RHOU: variants seen among roughly 807,000 people sequenced by gnomAD.
RHOU encodes the protein ras homolog family member U, also known as rho-related GTP-binding protein RhoU.
RHOU carries 8 observed loss-of-function variants against 12.6 expected under a neutral mutation model. That is an observed-to-expected ratio of 0.64 (90% CI 0.37 to 1.15). The LOEUF (loss-of-function observed/expected upper bound fraction) is 1.15, where lower values mean the gene tolerates loss of function less well. Among genes scored for constraint, RHOU ranks in the 50% most tolerant of loss-of-function variants. RHOU has a pLI of 0.01. For synonymous variants in RHOU, 161 were observed against 147.4 expected, an observed-to-expected ratio of 1.09 and a Z score of -0.67; for missense variants, 258 against 347.0, an observed-to-expected ratio of 0.74 and a Z score of 2.04.
At chr1:228,709,816 G>T in the RHOU span, among the ~76,000 whole-genome samples, 1 of 151,990 alleles carries the variant, frequency 6.6e-6, no homozygotes, top group East Asian at 1.9e-4. Flanking sequence ...GATCAGAGCA[G>T]AACTGAAGGA....
chr1:228,723,520 G>T, the RHOU span, among the ~76,000 whole-genome samples: 1 of 152,212 alleles, frequency 6.6e-6, no homozygotes, highest in Non-Finnish European at 1.5e-5. Flanking sequence ...TGGCCATGTT[G>T]CCAGGCACAT....
the RHOU span, among the ~76,000 whole-genome samples, chr1:228,649,742 T>C: frequency 6.6e-6 from 1 of 152,226 alleles, no homozygotes; most frequent in Non-Finnish European, 1.5e-5. Context: ...TTTTCAAATG[T>C]TTATAAAAGA....
rs1211015448 is a variant in RHOU, at chr1:228,745,518, A to G, written c.*1778A>G. On this transcript the variant is annotated 3_prime_UTR_variant, in exon 3 of 3. Coordinates refer to ENST00000366691, the MANE Select transcript of RHOU (RefSeq NM_021205.6). Reference sequence around the variant, plus strand: ...CTATTTATTCCTGTTAGTAAATAAAATTAACAAATTTCTTTGTTTAACAAA... The same window carrying G: ...CTATTTATTCCTGTTAGTAAATAAAGTTAACAAATTTCTTTGTTTAACAAA... The G allele has an allele frequency of 6.6e-6, 1 of 152,266 alleles. No homozygotes were observed. The highest frequency in any genetic ancestry group is 2.4e-5 in the African/African-American group (1 of 41,476). 9.4% of individuals were successfully genotyped at this position (152,266 alleles called of 1,614,324 possible). A position where few individuals can be genotyped will look rare whatever the true frequency, so the allele number is the denominator to read the frequency against.
the RHOU span, among the ~76,000 whole-genome samples, chr1:228,683,364 A>G: frequency 6.6e-6 from 1 of 152,232 alleles, no homozygotes. Flanking sequence ...TATGAAGTTT[A>G]TTTGGTGGTA....
chr1:228,731,793 G>C (rs1056585849), upstream of RHOU, among the ~76,000 whole-genome samples: 1 of 151,544 alleles, frequency 6.6e-6, no homozygotes, highest in Non-Finnish European at 1.5e-5. Context: ...TAGGTAGGGG[G>C]GATGAATGCT....
chr1:228,647,151 C>T, the RHOU span, among the ~76,000 whole-genome samples: 6 of 152,214 alleles, frequency 3.9e-5, no homozygotes, highest in Non-Finnish European at 8.8e-5. Context: ...TGAGCTGTGC[C>T]TGAGCAGGGC....
the RHOU span, among the ~76,000 whole-genome samples, chr1:228,714,898 C>G: frequency 6.6e-6 from 1 of 151,822 alleles, no homozygotes. Flanking sequence ...CACATGCCAC[C>G]ACACCTGGCT....
At chr1:228,742,842 C>T (rs1167591775) in intron 2 of RHOU, among the ~76,000 whole-genome samples, 1 of 152,148 alleles carries the variant, frequency 6.6e-6, no homozygotes, top group East Asian at 1.9e-4. Flanking sequence ...TGTTCGTAGA[C>T]TGGGTTTGAG....
At chr1:228,702,854 G>A in the RHOU span, among the ~76,000 whole-genome samples, 1 of 152,132 alleles carries the variant, frequency 6.6e-6, no homozygotes, top group African/African-American at 2.4e-5. Flanking sequence ...TCATTTGTCA[G>A]CTTTCAAATA....
the RHOU span, among the ~76,000 whole-genome samples, chr1:228,724,484 T>G: frequency 2.0e-5 from 3 of 152,190 alleles, no homozygotes; most frequent in Admixed American, 6.5e-5. Context: ...TTCTTTTTGG[T>G]AAGAATTTTT....
Position 228,738,708 on chromosome 1 carries a change from T to C in RHOU, c.321+977T>C, listed in dbSNP as rs191274020. On this transcript the variant is annotated intron_variant, in intron 2 of 2. Transcript: ENST00000366691. The surrounding 1 kb of genome is among the most constrained non-coding windows in gnomAD (Gnocchi z 4.2). ...AGAGCTAAGGACAGATCTTATTTTT[T>C]AAACCTGAAGATGACATAAGACCGT... Among the ~76,000 whole-genome samples, 25 of 152,282 alleles carry C rather than the reference T, an allele frequency of 1.6e-4. No homozygotes were observed. The highest frequency in any genetic ancestry group is 6.0e-4 in the African/African-American group (25 of 41,558).
chr1:228,682,461 A>G, the RHOU span, among the ~76,000 whole-genome samples: 2 of 146,774 alleles, frequency 1.4e-5, no homozygotes, highest in African/African-American at 4.9e-5. Flanking sequence ...AGAGTCAGCA[A>G]AGGGTGGTGG....
chr1:228,663,635 T>TTTTC, the RHOU span, among the ~76,000 whole-genome samples: 1 of 121,990 alleles, frequency 8.2e-6, no homozygotes, highest in African/African-American at 3.3e-5. Flanking sequence ...CTTTTTTTTT[T>TTTTC]TTTTTTTTTT....
At chr1:228,672,053 G>A in the RHOU span, among the ~76,000 whole-genome samples, 1 of 152,206 alleles carries the variant, frequency 6.6e-6, no homozygotes, top group African/African-American at 2.4e-5. Flanking sequence ...AAGAGTTCCT[G>A]AAACTTAAGT....
chr1:228,727,594 T>C, the RHOU span, among the ~76,000 whole-genome samples: 127 of 152,344 alleles, frequency 8.3e-4, no homozygotes, highest in African/African-American at 3.0e-3. Context: ...CTGAGTCTTA[T>C]ATTGTTATTG....
the RHOU span, among the ~76,000 whole-genome samples, chr1:228,692,737 G>A: frequency 6.6e-6 from 1 of 151,836 alleles, no homozygotes; most frequent in Non-Finnish European, 1.5e-5. Flanking sequence ...GTCTAGTCCT[G>A]AAATCATTTT....
the RHOU span, among the ~76,000 whole-genome samples, chr1:228,667,578 A>G: frequency 1.3e-5 from 2 of 152,340 alleles, no homozygotes; most frequent in African/African-American, 4.8e-5. Context: ...TTCTGACTCC[A>G]GGCCTCTCTC....
the RHOU span, among the ~76,000 whole-genome samples, chr1:228,703,925 A>T: frequency 6.6e-6 from 1 of 152,156 alleles, no homozygotes; most frequent in African/African-American, 2.4e-5. Flanking sequence ...GATAGCTACA[A>T]AGATAAAAAG....
In RHOU at chr1:228,746,372, C is replaced by G. The variant is rs1172748144; in HGVS notation, c.*2632C>G. 1 of 152,178 alleles carries G rather than the reference C, an allele frequency of 6.6e-6. No individual in the cohort carries two copies. Among genetic ancestry groups the G allele is most frequent in the Non-Finnish European group, 1.5e-5 (1 of 68,028 alleles). 9.4% of individuals were successfully genotyped at this position (152,178 alleles called of 1,614,324 possible). A position where few individuals can be genotyped will look rare whatever the true frequency, so the allele number is the denominator to read the frequency against. On this transcript the variant is annotated 3_prime_UTR_variant, in exon 3 of 3. Transcript: ENST00000366691. ...ACTTTGGCTGAACTACAAGTGTAGG[C>G]CACCATTATAATTTATAAATACAGC...
Sources: allele counts gnomAD v4.1 joint callset (sites outside exome capture counted in the v4.1 genomes callset), GRCh38; gene constraint gnomAD v4.1.1; non-coding constraint Gnocchi (gnomAD v3.1); transcripts MANE v1.5; gene names NCBI Gene and HGNC (gene_info 2026-07-23, HGNC 2026-07-21).